The following LIPA variants were observed in gnomAD, a reference collection of about 807,000 sequenced individuals.
LIPA encodes the protein lysosomal acid lipase/cholesteryl ester hydrolase.
A neutral mutation model predicts 40.6 loss-of-function variants in LIPA; 26 were observed. The ratio of observed to expected loss-of-function variants is 0.64; its 90% confidence interval spans 0.47 to 0.89. The LOEUF is 0.89. Ranked by LOEUF, LIPA falls within the 40% of genes least tolerant of loss-of-function variation. The pLI, the probability that LIPA is intolerant of heterozygous loss-of-function variation, is 0.00. For missense variants in LIPA, 455 were observed against 479.6 expected (o/e 0.95, Z 0.48); for synonymous variants, 188 against 168.4 (o/e 1.12, Z -0.90).
chr10:89,231,033 T>C (rs1842834888), intron 3 of LIPA, among the ~76,000 whole-genome samples: 1 of 152,102 alleles, frequency 6.6e-6, no homozygotes, highest in African/African-American at 2.4e-5. Flanking sequence ...TTCATTGAAA[T>C]CCACTTGGTA....
intron 2 of LIPA, chr10:89,383,979 C>T: frequency 6.2e-7 from 1 of 1,614,184 alleles, no homozygotes; most frequent in Non-Finnish European, 8.5e-7. Flanking sequence ...TTAGGGTTCT[C>T]CTTGCCCTGA....
chr10:89,234,659 T>C (rs1199020101), intron 3 of LIPA, among the ~76,000 whole-genome samples: 1 of 152,212 alleles, frequency 6.6e-6, no homozygotes, highest in East Asian at 1.9e-4. Flanking sequence ...GAAGGTACAA[T>C]GTGGTTCTTT....
intron 1 of LIPA, among the ~76,000 whole-genome samples, chr10:89,294,309 G>A (rs1589591704): frequency 6.6e-6 from 1 of 152,332 alleles, no homozygotes; most frequent in African/African-American, 2.4e-5. Context: ...TGGGCAGATT[G>A]GGAGATTGGG....
In LIPA at chr10:89,321,144, G is replaced by A. The variant is rs576812177; in HGVS notation, c.-2+21467C>T. Among the ~76,000 whole-genome samples the A allele has an allele frequency of 6.8e-3, 1,038 of 152,094 alleles. 1 individual carries two copies. Among genetic ancestry groups the A allele is most frequent in the Admixed American group, 0.012 (181 of 15,296 alleles). On this transcript the variant is annotated intron_variant, in intron 1 of 5. Coordinates refer to the LIPA transcript ENST00000282673. The stretch of plus-strand genomic sequence containing the variant: ...AAGAAAACCTAGGCAATACCATTCA[G>A]GACATAGGCATGGGCAAGGACTTCA...
intron 2 of LIPA, among the ~76,000 whole-genome samples, chr10:89,396,949 T>A (rs1844352819): frequency 6.6e-6 from 1 of 152,222 alleles, no homozygotes; most frequent in Non-Finnish European, 1.5e-5. Flanking sequence ...TGATGAGCTG[T>A]AAATATACTT....
chr10:89,383,245 T>C (rs1220689613), intron 2 of LIPA: 9 of 1,320,998 alleles, frequency 6.8e-6, no homozygotes, highest in Non-Finnish European at 8.5e-6. Context: ...ATTTGACTAT[T>C]TGAAGTGCTG....
chr10:89,267,783 C>T (rs1439336776), intron 1 of LIPA, among the ~76,000 whole-genome samples: 1 of 151,108 alleles, frequency 6.6e-6, no homozygotes, highest in Non-Finnish European at 1.5e-5. Flanking sequence ...AATTACTCTA[C>T]CATCACTTTC....
At chr10:89,339,297 C>G in intron 1 of LIPA, 1 of 1,613,918 alleles carries the variant, frequency 6.2e-7, no homozygotes. Flanking sequence ...TTCTCTTGGG[C>G]CTGAAACTGC....
intron 2 of LIPA, among the ~76,000 whole-genome samples, chr10:89,368,187 GA>G (rs1174366959): frequency 6.6e-6 from 1 of 152,208 alleles, no homozygotes; most frequent in Non-Finnish European, 1.5e-5. Flanking sequence ...CGACCTGGAG[GA>G]AAGGAGGGAA....
chr10:89,413,183 T>G (rs573174973), intron 1 of LIPA, among the ~76,000 whole-genome samples: 1 of 152,334 alleles, frequency 6.6e-6, no homozygotes, highest in African/African-American at 2.4e-5. Context: ...GTTCATAAAA[T>G]TTGCAACTTA....
At chr10:89,301,367 A>C (rs1355375039) in intron 1 of LIPA, among the ~76,000 whole-genome samples, 4 of 152,244 alleles carry the variant, frequency 2.6e-5, no homozygotes, top group Non-Finnish European at 5.9e-5. Context: ...TCGAGGCTAA[A>C]TAACTGCTCC....
At chr10:89,224,004 C>T (rs553253914) in intron 6 of LIPA, among the ~76,000 whole-genome samples, 174 bp from the exon 7 acceptor site, 1 of 152,276 alleles carries the variant, frequency 6.6e-6, no homozygotes, top group South Asian at 2.1e-4. Context: ...TTTACCAAAG[C>T]AAAAATCACA....
Position 89,216,006 on chromosome 10 carries a change from C to T in LIPA, c.898G>A (p.Val300Ile), listed in dbSNP as rs1473591284. 1 of 1,603,778 alleles carries T rather than the reference C, an allele frequency of 6.2e-7. No individual in the cohort carries two copies. Among genetic ancestry groups the T allele is most frequent in the Non-Finnish European group, 8.5e-7 (1 of 1,170,580 alleles). ...VQNMLHWSQA[V>I]KFQKFQAFDW... ...AAGGCTTGAAACTTTTGGAATTTAACAGCCTAAAAAGAAGATAATTTGGAA... is the reference window on the plus strand; with the variant it reads ...AAGGCTTGAAACTTTTGGAATTTAATAGCCTAAAAAGAAGATAATTTGGAA... The change falls in exon 9 of 10, where the codon GTT becomes ATT. Residue 300 changes from valine to isoleucine, a missense_variant. Coordinates refer to ENST00000336233, the MANE Select transcript of LIPA (RefSeq NM_000235.4).
chr10:89,413,145 C>A (rs1841489713), intron 1 of LIPA, among the ~76,000 whole-genome samples: 1 of 152,204 alleles, frequency 6.6e-6, no homozygotes, highest in Non-Finnish European at 1.5e-5. Context: ...TGAGGATAAT[C>A]ACTGGAAATA....
At chr10:89,244,474 T>C (rs1467509170) in intron 3 of LIPA, among the ~76,000 whole-genome samples, 1 of 152,048 alleles carries the variant, frequency 6.6e-6, no homozygotes, top group East Asian at 1.9e-4. Flanking sequence ...AACAAAAAAA[T>C]GTTAGAGAAT....
At chr10:89,257,963 T>C (rs1843189281) in intron 1 of LIPA, among the ~76,000 whole-genome samples, 1 of 152,168 alleles carries the variant, frequency 6.6e-6, no homozygotes, top group Non-Finnish European at 1.5e-5. Flanking sequence ...CACACAAAAC[T>C]TGGAATGGTT....
intron 2 of LIPA, among the ~76,000 whole-genome samples, chr10:89,378,595 T>C (rs1023549032): frequency 6.6e-6 from 1 of 152,170 alleles, no homozygotes; most frequent in Non-Finnish European, 1.5e-5. Context: ...CCTCCTGCAA[T>C]TTAATATCTG....
intron 2 of LIPA, chr10:89,384,023 A>G: frequency 6.2e-7 from 1 of 1,614,236 alleles, no homozygotes. Flanking sequence ...GCTGAAGGAG[A>G]AAAGTACATT....
At chr10:89,276,154 C>T (rs890214351) in intron 1 of LIPA, among the ~76,000 whole-genome samples, 6 of 152,200 alleles carry the variant, frequency 3.9e-5, no homozygotes, top group African/African-American at 7.2e-5. Flanking sequence ...CTCACTCTCA[C>T]GTCTTGCAAA....
Sources: allele counts gnomAD v4.1 joint callset (sites outside exome capture counted in the v4.1 genomes callset), GRCh38; gene constraint gnomAD v4.1.1; transcripts MANE v1.5; gene names NCBI Gene and HGNC (gene_info 2026-07-23, HGNC 2026-07-21).